The following GRAMD2B variants were observed in gnomAD, a reference collection of about 807,000 sequenced individuals.
The protein encoded by GRAMD2B is GRAM domain-containing protein 2B.
In GRAMD2B, 41 loss-of-function variants were observed where a neutral mutation model predicts 59.2. That is an observed-to-expected ratio of 0.69 (90% CI 0.54 to 0.90). The LOEUF is 0.90. Among genes scored for constraint, GRAMD2B ranks in the 40% least tolerant of loss-of-function variants. The pLI is 0.00. For missense variants in GRAMD2B, 424 were observed against 500.5 expected (o/e 0.85, Z 1.46); for synonymous variants, 161 against 182.7 (o/e 0.88, Z 0.96).
At chr5:126,380,607 G>A (rs780647203) in intron 1 of GRAMD2B, among the ~76,000 whole-genome samples, 20 of 152,030 alleles carry the variant, frequency 1.3e-4, no homozygotes, top group Admixed American at 2.6e-4. Context: ...CCTTGTAGAC[G>A]TCTTTCACCT....
intron 1 of GRAMD2B, among the ~76,000 whole-genome samples, chr5:126,386,991 A>G (rs547362549): frequency 6.6e-6 from 1 of 152,288 alleles, no homozygotes; most frequent in South Asian, 2.1e-4. Context: ...TTTATAACCT[A>G]GTGAGAGCCA....
At chr5:126,402,349 A>G (rs906520120) in intron 1 of GRAMD2B, among the ~76,000 whole-genome samples, 3 of 152,078 alleles carry the variant, frequency 2.0e-5, no homozygotes, top group African/African-American at 7.2e-5. Flanking sequence ...CTCACTAATA[A>G]TAACACTTAA....
Position 126,375,387 on chromosome 5 carries a change from G to A in GRAMD2B, c.125+3820G>A, listed in dbSNP as rs546618374. On this transcript the variant is annotated intron_variant, in intron 1 of 8. Coordinates refer to the GRAMD2B transcript ENST00000506445. ...TGAAATCTTTTTGTTTTTTTTTTTC[G>A]AGATGGAGTCTCGCTCAGTCACCCA... Among the ~76,000 whole-genome samples the A allele has an allele frequency of 2.1e-5, 3 of 143,392 alleles. No individual in the cohort carries two copies. The South Asian group carries it at 6.5e-4, about 31-fold the overall frequency. The allele number at this position is 143,392 out of a possible 152,430, so 94.1% of individuals were successfully genotyped here.
intron 1 of GRAMD2B, among the ~76,000 whole-genome samples, chr5:126,407,289 G>C (rs1446911782): frequency 6.6e-6 from 1 of 151,906 alleles, no homozygotes; most frequent in East Asian, 1.9e-4. Context: ...GTTACAGACA[G>C]GGACATGTGT....
chr5:126,423,630 G>A lies in GRAMD2B; in HGVS notation c.24G>A (p.Val8=), dbSNP rs1196569158. The change falls in exon 1 of 14, where the codon GTG becomes GTA. Residue 8 remains valine (V), a synonymous_variant. Transcript: ENST00000285689. MTELQQD[V]EDTKPAKVLG... is the part of the protein sequence containing the mutation. Reference sequence around the variant, plus strand: ...CGATGACTGAACTACAGCAAGATGTGGAAGACACAAAGCCTGCGAAAGTGC... The same window carrying A: ...CGATGACTGAACTACAGCAAGATGTAGAAGACACAAAGCCTGCGAAAGTGC... The A allele has an allele frequency of 1.2e-6, 2 of 1,610,588 alleles. No homozygotes were observed. Among genetic ancestry groups the A allele is most frequent in the African/African-American group, 1.3e-5 (1 of 74,620 alleles).
At position 126,493,251 on chromosome 5, in the gene GRAMD2B, A is replaced by G. The variant is rs1219209566; in HGVS notation, c.*295A>G. ...CCCAGCGAACACACTCTCTTGGATA[A>G]TTACCACGATGGCGTCAGCAAACAC... is the stretch of plus-strand genomic sequence containing the variant. On this transcript the variant is annotated 3_prime_UTR_variant, in exon 14 of 14. Transcript: ENST00000285689. 1 of 370,260 alleles carries G rather than the reference A, an allele frequency of 2.7e-6. No homozygotes were observed. The highest frequency in any genetic ancestry group is 2.0e-5 in the African/African-American group (1 of 49,140). 22.9% of individuals were successfully genotyped at this position (370,260 alleles called of 1,614,324 possible). A position where few individuals can be genotyped will look rare whatever the true frequency, so the allele number is the denominator to read the frequency against.
intron 2 of GRAMD2B, 120 bp downstream of exon 2, chr5:126,465,665 C>T: frequency 1.2e-6 from 1 of 865,478 alleles, no homozygotes; most frequent in South Asian, 1.8e-5. Flanking sequence ...AAATAATACT[C>T]CTGAGAAAGA....
At chr5:126,375,345 T>A (rs530919409) in intron 1 of GRAMD2B, among the ~76,000 whole-genome samples, 29 of 152,222 alleles carry the variant, frequency 1.9e-4, no homozygotes, top group African/African-American at 6.7e-4. Flanking sequence ...ATTTTTACCT[T>A]TCCAAAATTT....
rs1757862972 is a variant in GRAMD2B, at chr5:126,401,782, A to G, written c.125+30215A>G. On this transcript the variant is annotated intron_variant, in intron 1 of 8. Transcript: ENST00000506445. ...ACCATATAGAAAAATGATAGCTTAC[A>G]TTATTACACAGTGTTTTGGGTAGAC... is the stretch of plus-strand genomic sequence containing the variant. 3.3e-5 allele frequency among the ~76,000 whole-genome samples: 5 copies of G among 152,074 alleles called. No homozygotes were observed. The South Asian group carries it at 1.0e-3, about 32-fold the overall frequency.
chr5:126,391,257 C>A (rs991775981), intron 1 of GRAMD2B, among the ~76,000 whole-genome samples: 4 of 138,128 alleles, frequency 2.9e-5, no homozygotes, highest in Admixed American at 8.2e-5. Flanking sequence ...AGGAGAATCG[C>A]TTGAACCCAG....
intron 1 of GRAMD2B, among the ~76,000 whole-genome samples, chr5:126,395,052 T>C (rs1274885422): frequency 8.7e-5 from 13 of 148,978 alleles, no homozygotes; most frequent in Admixed American, 7.4e-4. Context: ...GTCAGCCTTT[T>C]GCTTTTGGTT....
At chr5:126,445,205 A>G (rs1763990420) in intron 1 of GRAMD2B, among the ~76,000 whole-genome samples, 1 of 152,154 alleles carries the variant, frequency 6.6e-6, no homozygotes, top group Non-Finnish European at 1.5e-5. Context: ...TCCTTTGGGT[A>G]CATACCCAGT....
At chr5:126,383,144 T>G (rs1252792319) in intron 1 of GRAMD2B, among the ~76,000 whole-genome samples, 1 of 152,258 alleles carries the variant, frequency 6.6e-6, no homozygotes, top group Non-Finnish European at 1.5e-5. Context: ...AATGAAGTTT[T>G]AAATTTCATG....
At chr5:126,472,082 T>C (rs1769699347) in intron 3 of GRAMD2B, among the ~76,000 whole-genome samples, 156 bp from the exon 4 acceptor site, 1 of 151,456 alleles carries the variant, frequency 6.6e-6, no homozygotes, top group South Asian at 2.1e-4. Flanking sequence ...ACTTTCACTG[T>C]GTTTTACTGA....
At chr5:126,416,768 A>G (rs758906946) in intron 1 of GRAMD2B, among the ~76,000 whole-genome samples, 5 of 152,186 alleles carry the variant, frequency 3.3e-5, no homozygotes, top group Admixed American at 1.3e-4. Flanking sequence ...CTCTGCAACC[A>G]GATCTTCACA....
intron 1 of GRAMD2B, among the ~76,000 whole-genome samples, chr5:126,405,961 AAT>A (rs1410131721): frequency 6.6e-6 from 1 of 151,982 alleles, no homozygotes; most frequent in Non-Finnish European, 1.5e-5. Flanking sequence ...TACATACTAA[AAT>A]AAATATTTGA....
At chr5:126,433,131 G>C (rs902459827) in intron 1 of GRAMD2B, among the ~76,000 whole-genome samples, 1 of 152,184 alleles carries the variant, frequency 6.6e-6, no homozygotes, top group African/African-American at 2.4e-5. Flanking sequence ...AAGAAACTAA[G>C]TAGCTCCAGA....
intron 6 of GRAMD2B, among the ~76,000 whole-genome samples, chr5:126,478,404 C>CTCCA (rs2126883004): frequency 6.6e-6 from 1 of 152,156 alleles, no homozygotes; most frequent in East Asian, 1.9e-4. Flanking sequence ...TGCCACTGCA[C>CTCCA]TCCAGCCTGG....
chr5:126,405,543 C>T (rs1006190910), intron 1 of GRAMD2B, among the ~76,000 whole-genome samples: 4 of 151,974 alleles, frequency 2.6e-5, no homozygotes, highest in Non-Finnish European at 5.9e-5. Flanking sequence ...ACTCTCCCCA[C>T]TCCCTTTCTT....
Sources: allele counts gnomAD v4.1 joint callset (sites outside exome capture counted in the v4.1 genomes callset), GRCh38; gene constraint gnomAD v4.1.1; transcripts MANE v1.5; gene names NCBI Gene and HGNC (gene_info 2026-07-23, HGNC 2026-07-21).